The following SOX6 variants were observed in gnomAD, a reference collection of about 807,000 sequenced individuals.
SOX6 encodes SRY-box transcription factor 6, also known as transcription factor SOX-6.
SOX6 carries 11 observed loss-of-function variants against 97.8 expected under a neutral mutation model. That is an observed-to-expected ratio of 0.11 (90% CI 0.07 to 0.19). SOX6 has a LOEUF of 0.19. SOX6 is among the 10% of genes least tolerant of loss of function. The probability of loss-of-function intolerance (pLI) is 1.00; values close to 1 mark genes in which losing one functional copy is unlikely to be tolerated. For missense variants in SOX6, 810 were observed against 1,039.5 expected (o/e 0.78, Z 3.04); for synonymous variants, 360 against 371.4 (o/e 0.97, Z 0.35).
intron 3 of SOX6, among the ~76,000 whole-genome samples, chr11:16,667,802 A>C (rs2134022536): frequency 6.6e-6 from 1 of 152,290 alleles, no homozygotes; most frequent in African/African-American, 2.4e-5. Flanking sequence ...TAACACTGTA[A>C]ATGTGGTGCA....
intron 15 of SOX6, among the ~76,000 whole-genome samples, chr11:15,982,233 C>T (rs774406515): frequency 6.6e-6 from 1 of 152,034 alleles, no homozygotes; most frequent in African/African-American, 2.4e-5. Flanking sequence ...CATCTCAGCT[C>T]GGCCATTTAC....
At chr11:15,982,707 C>T (rs1853700211) in intron 15 of SOX6, among the ~76,000 whole-genome samples, 1 of 151,990 alleles carries the variant, frequency 6.6e-6, no homozygotes, top group Non-Finnish European at 1.5e-5. Context: ...CATACAGATG[C>T]AACCACTGTA....
At chr11:16,708,722 C>T (rs1848154910) in intron 3 of SOX6, among the ~76,000 whole-genome samples, 1 of 152,066 alleles carries the variant, frequency 6.6e-6, no homozygotes, top group Non-Finnish European at 1.5e-5. Context: ...CATAGCCATG[C>T]GTGGGGTACA....
chr11:16,358,156 T>C (rs991192532), upstream of SOX6, among the ~76,000 whole-genome samples: 3 of 152,162 alleles, frequency 2.0e-5, no homozygotes, highest in Non-Finnish European at 2.9e-5. Context: ...GCCAGAGCCA[T>C]AGTGAACAAA....
chr11:16,267,071 T>C (rs1483072828), intron 3 of SOX6, among the ~76,000 whole-genome samples: 1 of 151,424 alleles, frequency 6.6e-6, no homozygotes, highest in African/African-American at 2.4e-5. Context: ...AACATAAACT[T>C]GAAACTATAA....
chr11:16,513,409 G>C (rs1451339648), intron 4 of SOX6, among the ~76,000 whole-genome samples: 3 of 151,896 alleles, frequency 2.0e-5, no homozygotes, highest in African/African-American at 7.3e-5. Flanking sequence ...AAGGCGGGCG[G>C]ATCACTTGAG....
rs148278439 is a variant in SOX6, at chr11:16,019,590, A to G, written c.1624-4540T>C. ...TAATTGCCAAATACTCTATTTATGT[A>G]TATATAAGACAGTAAATAATTTCTA... On this transcript the variant is annotated intron_variant, in intron 12 of 15. Transcript: ENST00000683767. 3.3e-3 allele frequency among the ~76,000 whole-genome samples: 498 copies of G among 152,296 alleles called. 1 individual carries two copies. The highest frequency in any genetic ancestry group is 5.4e-3 in the Non-Finnish European group (367 of 68,020).
At chr11:16,359,887 C>T (rs1051160597), upstream of SOX6, among the ~76,000 whole-genome samples, 35 of 152,166 alleles carry the variant, frequency 2.3e-4, no homozygotes, top group Non-Finnish European at 1.2e-4. Context: ...AACAACCCCA[C>T]AACAAAGCTA....
chr11:15,968,692 T>G lies in SOX6; in HGVS notation c.*4117A>C, dbSNP rs1429660686. The G allele has an allele frequency of 1.3e-5, 2 of 152,218 alleles. No individual in the cohort carries two copies. The highest frequency in any genetic ancestry group is 3.9e-4 in the East Asian group (2 of 5,192). 9.4% of individuals were successfully genotyped at this position (152,218 alleles called of 1,614,324 possible). ...ACGCCCTTTTCAAACACCCTCAGGC[T>G]CCCGTGGGGCTAATGTTCAGGGGAG... is the stretch of plus-strand genomic sequence containing the variant. On this transcript the variant is annotated 3_prime_UTR_variant, in exon 16 of 16. Coordinates refer to ENST00000683767, the MANE Select transcript of SOX6 (RefSeq NM_001367873.1).
intron 13 of SOX6, among the ~76,000 whole-genome samples, chr11:15,995,879 C>T (rs964613185): frequency 2.6e-5 from 4 of 152,050 alleles, no homozygotes; most frequent in African/African-American, 9.7e-5. Flanking sequence ...TGAACATATG[C>T]TTCAAAAATG....
intron 3 of SOX6, among the ~76,000 whole-genome samples, chr11:16,686,821 G>T (rs1280522263): frequency 6.6e-6 from 1 of 152,206 alleles, no homozygotes; most frequent in African/African-American, 2.4e-5. Flanking sequence ...AAATATTTGA[G>T]AATTAGTGGC....
chr11:16,498,094 G>A (rs540946767), intron 4 of SOX6, among the ~76,000 whole-genome samples: 73 of 152,300 alleles, frequency 4.8e-4, no homozygotes, highest in Admixed American at 9.8e-4. Flanking sequence ...ACAAAGGGAA[G>A]CCCATCAGAC....
intron 4 of SOX6, among the ~76,000 whole-genome samples, chr11:16,555,071 C>G (rs1194487747): frequency 6.6e-6 from 1 of 151,910 alleles, no homozygotes; most frequent in East Asian, 1.9e-4. Flanking sequence ...ATAGAAATAT[C>G]TAAAAATGGA....
At chr11:16,198,220 ATTTTTTTTTCTT>A (rs1261105434) in intron 4 of SOX6, among the ~76,000 whole-genome samples, 1 of 99,996 alleles carries the variant, frequency 1.0e-5, no homozygotes, top group Non-Finnish European at 1.9e-5. Flanking sequence ...CGCCCTGCTA[ATTTTTTTTTCTT>A]TTTTTTTTTT....
intron 4 of SOX6, among the ~76,000 whole-genome samples, chr11:16,575,871 G>C (rs1847981960): frequency 1.3e-5 from 2 of 152,008 alleles, no homozygotes; most frequent in African/African-American, 4.8e-5. Context: ...TGGTTACATA[G>C]GATTCACATA....
chr11:16,497,988 G>A (rs1274055398), intron 4 of SOX6, among the ~76,000 whole-genome samples: 1 of 152,120 alleles, frequency 6.6e-6, no homozygotes, highest in African/African-American at 2.4e-5. Flanking sequence ...TACTCCTCGA[G>A]AAGAGCAACT....
intron 6 of SOX6, among the ~76,000 whole-genome samples, chr11:16,163,825 G>A (rs925159971): frequency 6.6e-6 from 1 of 152,126 alleles, no homozygotes; most frequent in Non-Finnish European, 1.5e-5. Flanking sequence ...TTAATCATGT[G>A]GTATGTATTT....
intron 4 of SOX6, among the ~76,000 whole-genome samples, chr11:16,575,634 T>A (rs1589991952): frequency 6.6e-6 from 1 of 152,296 alleles, no homozygotes; most frequent in Non-Finnish European, 1.5e-5. Flanking sequence ...TTCTGCATGA[T>A]TCCATTTATA....
chr11:16,616,764 G>C (rs1288104435), intron 3 of SOX6, among the ~76,000 whole-genome samples: 2 of 151,632 alleles, frequency 1.3e-5, no homozygotes, highest in Non-Finnish European at 3.0e-5. Context: ...ACATACTATT[G>C]AAATTACCTG....
Sources: allele counts gnomAD v4.1 joint callset (sites outside exome capture counted in the v4.1 genomes callset), GRCh38; gene constraint gnomAD v4.1.1; transcripts MANE v1.5; gene names NCBI Gene and HGNC (gene_info 2026-07-23, HGNC 2026-07-21).